The following LRRC4C variants were observed in gnomAD, a reference collection of about 807,000 sequenced individuals.
The protein encoded by LRRC4C is leucine-rich repeat-containing protein 4C.
A neutral mutation model predicts 33.6 loss-of-function variants in LRRC4C; 5 were observed. The observed-to-expected ratio is 0.15, with a 90% CI of 0.08 to 0.31. The LOEUF is 0.31. LRRC4C is among the 10% of genes least tolerant of loss of function. LRRC4C has a pLI of 1.00. For missense variants in LRRC4C, 560 were observed against 796.7 expected, an observed-to-expected ratio of 0.70 and a Z score of 3.58; for synonymous variants, 329 against 302.0, an observed-to-expected ratio of 1.09 and a Z score of -0.93.
intron 2 of LRRC4C, among the ~76,000 whole-genome samples, chr11:40,673,785 G>A (rs1944249005): frequency 6.6e-6 from 1 of 152,158 alleles, no homozygotes; most frequent in South Asian, 2.1e-4. Flanking sequence ...GGATTCCACA[G>A]GAAACTTTTT....
At chr11:41,383,791 A>G (rs1953248814) in intron 1 of LRRC4C, among the ~76,000 whole-genome samples, 1 of 152,002 alleles carries the variant, frequency 6.6e-6, no homozygotes, top group African/African-American at 2.4e-5. Flanking sequence ...TGACCCAGAT[A>G]AAAGACAGGC....
chr11:40,693,932 T>A (rs1269523675), intron 2 of LRRC4C, among the ~76,000 whole-genome samples: 1 of 152,132 alleles, frequency 6.6e-6, no homozygotes, highest in South Asian at 2.1e-4. Flanking sequence ...AATGCCAACA[T>A]TGCAATTCCA....
At chr11:40,374,223 A>T (rs1948573023) in intron 3 of LRRC4C, among the ~76,000 whole-genome samples, 1 of 152,092 alleles carries the variant, frequency 6.6e-6, no homozygotes, top group Non-Finnish European at 1.5e-5. Flanking sequence ...TGCTAAATAG[A>T]TGTTTGTTGT....
At chr11:40,649,011 G>T (rs924627985) in intron 2 of LRRC4C, among the ~76,000 whole-genome samples, 1 of 152,158 alleles carries the variant, frequency 6.6e-6, no homozygotes, top group Non-Finnish European at 1.5e-5. Context: ...AAGATCACAG[G>T]CTTCAAAGGG....
intron 1 of LRRC4C, among the ~76,000 whole-genome samples, chr11:40,977,359 T>C (rs937276130): frequency 3.9e-5 from 6 of 152,174 alleles, no homozygotes; most frequent in Non-Finnish European, 8.8e-5. Context: ...ACCACCAATT[T>C]TGTTGTCAAA....
chr11:40,536,819 C>T (rs1956494953), intron 3 of LRRC4C, among the ~76,000 whole-genome samples: 1 of 152,054 alleles, frequency 6.6e-6, no homozygotes, highest in Non-Finnish European at 1.5e-5. Context: ...CCCTTCTTTT[C>T]TGTCACTTCT....
At chr11:40,873,711 T>C (rs928663314) in intron 2 of LRRC4C, among the ~76,000 whole-genome samples, 1 of 152,176 alleles carries the variant, frequency 6.6e-6, no homozygotes. Flanking sequence ...GGTTCACATT[T>C]CTAGCTGATT....
At chr11:40,255,723 T>C (rs1328059340) in intron 4 of LRRC4C, among the ~76,000 whole-genome samples, 1 of 152,186 alleles carries the variant, frequency 6.6e-6, no homozygotes, top group African/African-American at 2.4e-5. Flanking sequence ...GTCAATGAGT[T>C]GTTCTAGCCT....
intron 2 of LRRC4C, among the ~76,000 whole-genome samples, chr11:40,873,831 T>A (rs2135958607): frequency 6.6e-6 from 1 of 152,322 alleles, no homozygotes; most frequent in East Asian, 1.9e-4. Context: ...CATTTCGAAT[T>A]ACAGACTTCT....
intron 1 of LRRC4C, among the ~76,000 whole-genome samples, chr11:41,136,048 A>T (rs772250948): frequency 1.9e-4 from 29 of 152,080 alleles, no homozygotes; most frequent in Non-Finnish European, 3.1e-4. Flanking sequence ...CCATTCATCC[A>T]TTCATCATTT....
intron 2 of LRRC4C, among the ~76,000 whole-genome samples, chr11:40,846,020 GT>G (rs140994322): frequency 0.19 from 26,431 of 141,818 alleles, 2,991 homozygotes; most frequent in African/African-American, 0.35. Context: ...ACTTTCTGAT[GT>G]TTTTTTTTTT....
At chr11:41,083,116 G>T (rs983792421) in intron 1 of LRRC4C, among the ~76,000 whole-genome samples, 1 of 151,980 alleles carries the variant, frequency 6.6e-6, no homozygotes, top group African/African-American at 2.4e-5. Flanking sequence ...AGATATTTTT[G>T]AGTACATTTT....
At chr11:40,737,372 C>A (rs1172069125) in intron 2 of LRRC4C, among the ~76,000 whole-genome samples, 1 of 151,730 alleles carries the variant, frequency 6.6e-6, no homozygotes, top group South Asian at 2.1e-4. Context: ...CTGGCCAGGG[C>A]AATTAGGCAA....
intron 1 of LRRC4C, among the ~76,000 whole-genome samples, chr11:41,019,998 C>T (rs1855848245): frequency 6.6e-6 from 1 of 152,106 alleles, no homozygotes; most frequent in East Asian, 1.9e-4. Context: ...GTTTCTATTG[C>T]TGTACAGAAG....
At chr11:40,441,201 T>G (rs10837412) in intron 3 of LRRC4C, among the ~76,000 whole-genome samples, 55,149 of 151,886 alleles carry the variant, frequency 0.36, 10,664 homozygotes, top group East Asian at 0.53. Flanking sequence ...TACTGGTGAG[T>G]GTTGAACACA....
intron 1 of LRRC4C, among the ~76,000 whole-genome samples, chr11:41,082,077 C>A (rs11036221): frequency 6.6e-6 from 1 of 152,078 alleles, no homozygotes; most frequent in African/African-American, 2.4e-5. Context: ...TGTCTCATCC[C>A]CTGAGAAGCT....
intron 2 of LRRC4C, among the ~76,000 whole-genome samples, chr11:40,868,576 C>T (rs935370377): frequency 3.9e-5 from 6 of 151,964 alleles, no homozygotes; most frequent in South Asian, 2.1e-4. Flanking sequence ...GAGTTTCTTC[C>T]GATACCTTTC....
intron 2 of LRRC4C, among the ~76,000 whole-genome samples, chr11:40,699,798 G>A (rs1044810035): frequency 5.9e-5 from 9 of 152,024 alleles, no homozygotes; most frequent in Non-Finnish European, 1.3e-4. Flanking sequence ...TAATATTTTA[G>A]TCTGTAGGAT....
At chr11:41,442,031 A>G (rs1243390709) in intron 1 of LRRC4C, among the ~76,000 whole-genome samples, 1 of 152,206 alleles carries the variant, frequency 6.6e-6, no homozygotes, top group African/African-American at 2.4e-5. Context: ...TTCTTTATAT[A>G]GTTGTCATTA....
Sources: gnomAD v4.1 joint callset for allele counts (sites outside exome capture counted in the v4.1 genomes callset) on GRCh38, gnomAD v4.1.1 for gene constraint, MANE v1.5 for transcripts, NCBI Gene and HGNC (gene_info 2026-07-23, HGNC 2026-07-21) for gene names.